Variants in MTMR10 observed in about 807,000 individuals in gnomAD.
The protein encoded by MTMR10 is myotubularin-related protein 10.
In MTMR10, 56 loss-of-function variants were observed where a neutral mutation model predicts 88.1. The observed-to-expected ratio is 0.64, with a 90% CI of 0.51 to 0.79. The LOEUF (loss-of-function observed/expected upper bound fraction) is 0.79. Among genes scored for constraint, MTMR10 ranks in the 30% least tolerant of loss-of-function variants. MTMR10 has a pLI of 0.00. For synonymous variants in MTMR10, 380 were observed against 340.9 expected (o/e 1.11, Z -1.26); for missense variants, 883 against 924.7 (o/e 0.95, Z 0.58).
intron 2 of MTMR10, among the ~76,000 whole-genome samples, chr15:30,985,622 T>G (rs549321864): frequency 2.6e-5 from 4 of 152,344 alleles, no homozygotes; most frequent in Admixed American, 2.6e-4. Flanking sequence ...AAGACTGTTA[T>G]GATGATTAAT....
chr15:30,989,806 C>A (rs1211713860), intron 2 of MTMR10, among the ~76,000 whole-genome samples: 1 of 151,916 alleles, frequency 6.6e-6, no homozygotes, highest in African/African-American at 2.4e-5. Flanking sequence ...AGGATGGTCT[C>A]GGTCTCTTGA....
chr15:30,926,854 A>T, the MTMR10 span: 1 of 985,436 alleles, frequency 1.0e-6, no homozygotes, highest in Non-Finnish European at 1.2e-6. Flanking sequence ...TTCCCTGATT[A>T]AAATCGATGC....
At chr15:30,932,879 AT>A in the MTMR10 span, among the ~76,000 whole-genome samples, 761 of 139,164 alleles carry the variant, frequency 5.5e-3, no homozygotes, top group Middle Eastern at 7.8e-3. Context: ...TGCCTGGATA[AT>A]TTTTTTTTTT....
intron 11 of MTMR10, among the ~76,000 whole-genome samples, chr15:30,953,189 T>C (rs1410656367): frequency 6.6e-6 from 1 of 152,186 alleles, no homozygotes; most frequent in Non-Finnish European, 1.5e-5. Flanking sequence ...AGATTAGTGG[T>C]AGTCAACAGA....
At chr15:30,923,225 A>G in the MTMR10 span, among the ~76,000 whole-genome samples, 4 of 152,172 alleles carry the variant, frequency 2.6e-5, no homozygotes, top group East Asian at 7.7e-4. Context: ...GGAAAGAGCC[A>G]GTAAAGCTAT....
intron 2 of MTMR10, 100 bp from the exon 3 acceptor site, chr15:30,977,055 T>C (rs556587023): frequency 6.2e-5 from 71 of 1,147,810 alleles, no homozygotes; most frequent in Non-Finnish European, 7.9e-5. Flanking sequence ...AGGATGAGGA[T>C]AGTGAAAACA....
intron 2 of MTMR10, among the ~76,000 whole-genome samples, chr15:30,986,178 G>A (rs1252674981): frequency 2.0e-5 from 3 of 152,016 alleles, no homozygotes; most frequent in Admixed American, 6.6e-5. Flanking sequence ...TTAGCCAGGT[G>A]TGGTGGCGCA....
chr15:30,924,457 C>T, the MTMR10 span, among the ~76,000 whole-genome samples: 8 of 152,172 alleles, frequency 5.3e-5, no homozygotes, highest in South Asian at 8.3e-4. Context: ...ACCAGCAATG[C>T]GTGAGGTTTC....
chr15:30,954,929 T>G, intron 9 of MTMR10, 36 bp from the exon 10 acceptor site: 1 of 1,498,208 alleles, frequency 6.7e-7, no homozygotes, highest in Non-Finnish European at 9.0e-7. Flanking sequence ...CATTACTCAT[T>G]CATTTCAGCA....
At position 30,953,512 on chromosome 15, in the gene MTMR10, G is replaced by T. The variant is rs762063462; in HGVS notation, c.1136+50C>A. On this transcript the variant is annotated intron_variant, in intron 11 of 15. Transcript: ENST00000435680. Reference sequence around the variant, plus strand: ...TTTTTGTACCTCCAGTGAGTCTGTAGTTATCTCAAAATAAAAAGTTAAAGG... The same window carrying T: ...TTTTTGTACCTCCAGTGAGTCTGTATTTATCTCAAAATAAAAAGTTAAAGG... The T allele has an allele frequency of 3.0e-5, 42 of 1,395,538 alleles. 1 individual carries two copies. The South Asian group carries it at 5.4e-4, about 18-fold the overall frequency. 86.4% of individuals were successfully genotyped at this position (1,395,538 alleles called of 1,614,324 possible). A position where few individuals can be genotyped will look rare whatever the true frequency, so the allele number is the denominator to read the frequency against.
the MTMR10 span, among the ~76,000 whole-genome samples, chr15:30,921,381 C>T: frequency 1.3e-5 from 2 of 152,174 alleles, no homozygotes; most frequent in African/African-American, 4.8e-5. Flanking sequence ...CATGGATTGT[C>T]TGGAGACAAT....
the MTMR10 span, among the ~76,000 whole-genome samples, chr15:30,929,678 CAT>C: frequency 4.1e-4 from 19 of 46,794 alleles, no homozygotes; most frequent in Admixed American, 1.5e-3. Context: ...TATAATATAT[CAT>C]ATAATATATA....
the MTMR10 span, chr15:30,929,378 C>T: frequency 2.1e-5 from 33 of 1,607,512 alleles, no homozygotes; most frequent in African/African-American, 2.7e-5. Flanking sequence ...GATCGCTTCA[C>T]GTCTCTTCAG....
the MTMR10 span, among the ~76,000 whole-genome samples, chr15:30,931,108 T>C: frequency 6.6e-6 from 1 of 152,212 alleles, no homozygotes; most frequent in Non-Finnish European, 1.5e-5. Context: ...AGGGGACAGA[T>C]ACCCCATTCC....
chr15:30,923,190 A>T, the MTMR10 span, among the ~76,000 whole-genome samples: 2 of 152,228 alleles, frequency 1.3e-5, no homozygotes, highest in Admixed American at 1.3e-4. Flanking sequence ...AAACTGAAAA[A>T]GTGCCTTGTT....
At position 30,941,758 on chromosome 15, in the gene MTMR10, G is replaced by C; in HGVS notation, c.2046C>G (p.Leu682=). 1 of 1,614,002 alleles carries C rather than the reference G, an allele frequency of 6.2e-7. No homozygotes were observed. The highest frequency in any genetic ancestry group is 8.5e-7 in the Non-Finnish European group (1 of 1,179,888). Residue 682 remains leucine (L), a synonymous_variant, in exon 16 of 16, where the codon CTC becomes CTG. Coordinates refer to ENST00000435680, the MANE Select transcript of MTMR10 (RefSeq NM_017762.3). The stretch of plus-strand genomic sequence containing the variant: ...CGTCGACTTCATCAGCCAGGAGGGA[G>C]AGCTTGTGAAAGGCTGTGATGGAGC... ...LGGSITAFHK[L]SLLADEVDVL...
chr15:30,959,125 G>A lies in MTMR10; in HGVS notation c.759-4C>T, dbSNP rs1359872038. The A allele has an allele frequency of 6.4e-7, 1 of 1,554,294 alleles. No homozygotes were observed. Among genetic ancestry groups the A allele is most frequent in the Admixed American group, 2.0e-5 (1 of 50,366 alleles). On this transcript the variant is annotated splice_polypyrimidine_tract_variant and splice_region_variant and intron_variant, in intron 7 of 15. Coordinates refer to ENST00000435680, the MANE Select transcript of MTMR10 (RefSeq NM_017762.3). The stretch of plus-strand genomic sequence containing the variant: ...CACTACAATGTATTCTGGAAGGCTG[G>A]AGGGGAAAAAAAAAATTATATGAGT...
At chr15:30,991,310 GGGAATCAGGC>G in intron 1 of MTMR10, 127 bp downstream of exon 1, 1 of 896,748 alleles carries the variant, frequency 1.1e-6, no homozygotes, top group Non-Finnish European at 1.6e-6. Context: ...TCGCGGCGCC[GGGAATCAGGC>G]AGCCGCGCTG....
intron 6 of MTMR10, among the ~76,000 whole-genome samples, 169 bp from the exon 7 acceptor site, chr15:30,961,242 T>C (rs1303080290): frequency 2.0e-5 from 3 of 146,466 alleles, no homozygotes; most frequent in Non-Finnish European, 4.5e-5. Context: ...AATAACTCCT[T>C]TTTTTTTTTT....
Sources: gnomAD v4.1 joint callset for allele counts (sites outside exome capture counted in the v4.1 genomes callset) on GRCh38, gnomAD v4.1.1 for gene constraint, MANE v1.5 for transcripts, NCBI Gene and HGNC (gene_info 2026-07-23, HGNC 2026-07-21) for gene names.